The following FBXO15 variants were observed in gnomAD, a reference collection of about 807,000 sequenced individuals.
FBXO15 encodes F-box protein 15.
Under a neutral mutation model 49.5 loss-of-function variants are expected in FBXO15, and 30 were observed. The observed-to-expected ratio is 0.61, with a 90% CI of 0.45 to 0.82. The LOEUF is 0.82. FBXO15 is among the 40% of genes least tolerant of loss of function. The pLI, the probability that FBXO15 is intolerant of heterozygous loss-of-function variation, is 0.00. For synonymous variants in FBXO15, 250 were observed against 232.7 expected, an observed-to-expected ratio of 1.07 and a Z score of -0.68; for missense variants, 591 against 631.5, an observed-to-expected ratio of 0.94 and a Z score of 0.69.
chr18:74,114,547 C>T (rs931996213), intron 8 of FBXO15, among the ~76,000 whole-genome samples: 1 of 152,214 alleles, frequency 6.6e-6, no homozygotes, highest in Non-Finnish European at 1.5e-5. Context: ...GAAAAACCCA[C>T]AGGCACTGTT....
In FBXO15 at chr18:74,147,628, G is replaced by A. The variant is rs774419610; in HGVS notation, c.116+42C>T. On this transcript the variant is annotated intron_variant, in intron 1 of 9. Transcript: ENST00000419743. ...AAGAGAGCGGGGCCGCGCAGTGACGGGCTTCCCGCCAGGGGACCCCACCCG... is the reference window on the plus strand; with the variant it reads ...AAGAGAGCGGGGCCGCGCAGTGACGAGCTTCCCGCCAGGGGACCCCACCCG... 34 of 1,376,014 alleles carry A rather than the reference G, an allele frequency of 2.5e-5. No homozygotes were observed. In the African/African-American group the frequency reaches 3.2e-4, roughly 13 times the overall value. The allele number at this position is 1,376,014 out of a possible 1,614,324, so 85.2% of individuals were successfully genotyped here.
In FBXO15 at chr18:74,074,264, C is replaced by A. The variant is rs111228453; in HGVS notation, c.1264-534G>T. On this transcript the variant is annotated intron_variant, in intron 9 of 9. Transcript: ENST00000419743. The surrounding 1 kb of genome is among the most constrained non-coding windows in gnomAD (Gnocchi z 4.7). ...CTGACATGTGCCAGCCTCCTGTCCA[C>A]CCACTCTCATTTCCAGGACTCTGGC... Among the ~76,000 whole-genome samples the A allele has an allele frequency of 6.6e-6, 1 of 152,188 alleles. No individual in the cohort carries two copies. Among genetic ancestry groups the A allele is most frequent in the Non-Finnish European group, 1.5e-5 (1 of 68,026 alleles).
intron 1 of FBXO15, chr18:74,140,660 G>A (rs745991300): frequency 4.4e-6 from 1 of 229,842 alleles, no homozygotes; most frequent in Non-Finnish European, 8.5e-6. Flanking sequence ...AAGGCAGGGA[G>A]AAGGGAGGAA....
At chr18:74,131,625 C>T (rs1445828986) in intron 3 of FBXO15, among the ~76,000 whole-genome samples, 1 of 152,204 alleles carries the variant, frequency 6.6e-6, no homozygotes, top group East Asian at 1.9e-4. Context: ...GGCCTGAGAG[C>T]TCCTCCCTCT....
At chr18:74,105,449 T>C (rs1053726050) in intron 8 of FBXO15, among the ~76,000 whole-genome samples, 1 of 147,934 alleles carries the variant, frequency 6.8e-6, no homozygotes, top group Non-Finnish European at 1.5e-5. Context: ...TTCCCAAAGG[T>C]TTTTTTTTGA....
chr18:74,108,191 C>T (rs984988309), intron 8 of FBXO15, among the ~76,000 whole-genome samples: 3 of 152,074 alleles, frequency 2.0e-5, no homozygotes, highest in Non-Finnish European at 4.4e-5. Flanking sequence ...ACAGAGCAAG[C>T]GTCAGAACCA....
chr18:74,093,237 C>T (rs1300083328), intron 8 of FBXO15, among the ~76,000 whole-genome samples: 1 of 128,252 alleles, frequency 7.8e-6, no homozygotes, highest in Non-Finnish European at 1.6e-5. Flanking sequence ...GCAAGGTTCA[C>T]TCATACACGT....
At chr18:74,088,580 G>C (rs562293292) in intron 8 of FBXO15, among the ~76,000 whole-genome samples, 2 of 152,172 alleles carry the variant, frequency 1.3e-5, no homozygotes, top group African/African-American at 4.8e-5. Context: ...TTTTATGCAA[G>C]TACCATGCTG....
chr18:74,127,727 C>G (rs1419473289), intron 5 of FBXO15, among the ~76,000 whole-genome samples: 1 of 152,216 alleles, frequency 6.6e-6, no homozygotes, highest in East Asian at 1.9e-4. Context: ...AAATAAATTA[C>G]ATCAAATGAA....
chr18:74,107,178 C>T (rs1599156533), intron 8 of FBXO15, among the ~76,000 whole-genome samples: 1 of 142,982 alleles, frequency 7.0e-6, no homozygotes, highest in South Asian at 2.2e-4. Context: ...TTATGGGGTA[C>T]ACAGTGATAT....
chr18:74,117,694 C>T (rs1237688186), intron 8 of FBXO15, among the ~76,000 whole-genome samples: 2 of 152,064 alleles, frequency 1.3e-5, no homozygotes, highest in Non-Finnish European at 2.9e-5. Context: ...CTCAGGCGTG[C>T]TGTGAAAAGG....
chr18:74,128,238 G>C (rs1978297561), intron 5 of FBXO15, among the ~76,000 whole-genome samples: 2 of 151,884 alleles, frequency 1.3e-5, no homozygotes, highest in South Asian at 4.1e-4. Flanking sequence ...CTTACATTCA[G>C]AGCATGGGAA....
intron 2 of FBXO15, among the ~76,000 whole-genome samples, chr18:74,139,696 C>T (rs1172000785): frequency 1.3e-5 from 2 of 152,190 alleles, no homozygotes; most frequent in Non-Finnish European, 2.9e-5. Context: ...AGCATATAAT[C>T]GGTGTTCCAT....
intron 8 of FBXO15, among the ~76,000 whole-genome samples, chr18:74,104,580 A>T (rs1913664178): frequency 6.6e-6 from 1 of 152,110 alleles, no homozygotes; most frequent in South Asian, 2.1e-4. Context: ...TGAAAGGGTT[A>T]AAAAAAGATA....
intron 8 of FBXO15, among the ~76,000 whole-genome samples, chr18:74,106,289 C>T (rs764588133): frequency 6.6e-6 from 1 of 151,968 alleles, no homozygotes; most frequent in Non-Finnish European, 1.5e-5. Context: ...TTGAAAGATG[C>T]AACATTAATT....
At chr18:74,098,019 A>G (rs1913355229) in intron 8 of FBXO15, 1 of 152,474 alleles carries the variant, frequency 6.6e-6, no homozygotes, top group South Asian at 2.1e-4. Flanking sequence ...CAGAAGAGAG[A>G]TAACAATCAC....
At chr18:74,083,457 C>A (rs529079991) in intron 8 of FBXO15, among the ~76,000 whole-genome samples, 1 of 152,340 alleles carries the variant, frequency 6.6e-6, no homozygotes, top group East Asian at 1.9e-4. Flanking sequence ...ACTACTGCAG[C>A]CACGTGCAAA....
intron 3 of FBXO15, among the ~76,000 whole-genome samples, chr18:74,132,151 G>C (rs1274638686): frequency 6.6e-6 from 1 of 152,232 alleles, no homozygotes; most frequent in East Asian, 1.9e-4. Context: ...ACTTTCCTAT[G>C]TAAGCGGACA....
chr18:74,106,862 G>A (rs1441400032), intron 8 of FBXO15, among the ~76,000 whole-genome samples: 1 of 151,702 alleles, frequency 6.6e-6, no homozygotes, highest in Admixed American at 6.6e-5. Flanking sequence ...TAGGAGAATG[G>A]GTCAATAAAT....
Sources: allele counts gnomAD v4.1 joint callset (sites outside exome capture counted in the v4.1 genomes callset), GRCh38; gene constraint gnomAD v4.1.1; non-coding constraint Gnocchi (gnomAD v3.1); transcripts MANE v1.5; gene names NCBI Gene and HGNC (gene_info 2026-07-23, HGNC 2026-07-21).